Variants in MIA2 observed in about 807,000 individuals in gnomAD.
MIA2 encodes the protein MIA SH3 domain ER export factor 2.
A neutral mutation model predicts 167.8 loss-of-function variants in MIA2; 127 were observed. The ratio of observed to expected loss-of-function variants is 0.76; its 90% CI spans 0.66 to 0.88. The LOEUF is 0.88. MIA2 is among the 40% of genes least tolerant of loss of function. The probability of loss-of-function intolerance (pLI) is 0.00; values close to 1 mark genes in which losing one functional copy is unlikely to be tolerated. For missense variants in MIA2, 1,690 were observed against 1,624.7 expected, an observed-to-expected ratio of 1.04 and a Z score of -0.69; for synonymous variants, 552 against 541.9, an observed-to-expected ratio of 1.02 and a Z score of -0.26.
At chr14:39,364,896 TTAAACAGTTTGACTA>T (rs1175519863) in intron 23 of MIA2, among the ~76,000 whole-genome samples, 2 of 152,234 alleles carry the variant, frequency 1.3e-5, no homozygotes, top group Non-Finnish European at 1.5e-5. Flanking sequence ...GTTTTTGACT[TTAAACAGTTTGACTA>T]TAATGTGCTG....
At chr14:39,253,323 T>C (rs2054660632) in intron 6 of MIA2, 152 bp downstream of exon 6, 2 of 1,019,532 alleles carry the variant, frequency 2.0e-6, no homozygotes, top group Non-Finnish European at 2.9e-6. Context: ...TTTCTCTTTA[T>C]ATGAATGTTT....
chr14:39,260,462 G>T (rs147125530), intron 6 of MIA2, among the ~76,000 whole-genome samples: 1 of 152,146 alleles, frequency 6.6e-6, no homozygotes, highest in Non-Finnish European at 1.5e-5. Flanking sequence ...GGCCAGTGAC[G>T]ATGAGCATTT....
At chr14:39,382,634 T>C (rs2075188708) in intron 23 of MIA2, among the ~76,000 whole-genome samples, 1 of 152,216 alleles carries the variant, frequency 6.6e-6, no homozygotes, top group Non-Finnish European at 1.5e-5. Flanking sequence ...TCAGTAATTC[T>C]GCGCTGTACA....
chr14:39,356,944 C>T (rs2074543945), intron 23 of MIA2, among the ~76,000 whole-genome samples: 1 of 152,164 alleles, frequency 6.6e-6, no homozygotes, highest in Admixed American at 6.5e-5. Flanking sequence ...TGTTCTTTTA[C>T]ATTTGCTGAG....
In MIA2 at chr14:39,251,151, C is replaced by G. The variant is rs1428823181; in HGVS notation, c.1568-1597C>G. Among the ~76,000 whole-genome samples, 4 of 152,106 alleles carry G rather than the reference C, an allele frequency of 2.6e-5. No individual in the cohort carries two copies. The South Asian group carries it at 8.3e-4, about 31-fold the overall frequency. On this transcript the variant is annotated intron_variant, in intron 4 of 28. Transcript: ENST00000640607. ...TGCATAAGCAAGATGAATCACTGAT[C>G]TTGAATCTCTGTGAAAGGCTCAGAC...
chr14:39,348,946 T>C lies in MIA2; in HGVS notation c.4041T>C (p.Asp1347=), dbSNP rs763176300. 1 of 1,613,996 alleles carries C rather than the reference T, an allele frequency of 6.2e-7. No homozygotes were observed. The highest frequency in any genetic ancestry group is 8.5e-7 in the Non-Finnish European group (1 of 1,179,866). The change falls in exon 28 of 29, where the codon GAT becomes GAC. Residue 1347 remains aspartate (D), a synonymous_variant. Transcript: ENST00000640607. ...CTCGAGATTATTTTCCACCAGGGGATTTCCCAGGTCCACCACCTGCTCCAT... is the reference window on the plus strand; with the variant it reads ...CTCGAGATTATTTTCCACCAGGGGACTTCCCAGGTCCACCACCTGCTCCAT... The part of the protein sequence containing the change: ...GASRDYFPPG[D]FPGPPPAPFA...
chr14:39,357,413 T>TC, intron 23 of MIA2, among the ~76,000 whole-genome samples: 1 of 152,320 alleles, frequency 6.6e-6, no homozygotes, highest in Admixed American at 6.5e-5. Flanking sequence ...TGGTATATCT[T>TC]CCTCCATCCC....
chr14:39,348,448 T>G (rs1387491319), intron 27 of MIA2, among the ~76,000 whole-genome samples: 1 of 152,222 alleles, frequency 6.6e-6, no homozygotes, highest in Non-Finnish European at 1.5e-5. Context: ...CAGTATATAT[T>G]TGATACAATA....
Position 39,265,320 on chromosome 14 carries a change from C to G in MIA2, c.1888-11614C>G, listed in dbSNP as rs1453767100. 7.8e-6 allele frequency: 9 copies of G among 1,146,932 alleles called. No individual in the cohort carries two copies. The East Asian group carries it at 2.1e-4, about 27-fold the overall frequency. 71.0% of individuals were successfully genotyped at this position (1,146,932 alleles called of 1,614,324 possible). ...TGCAGGATATATTAGAATCTGAAAT[C>G]TTTCTCAAGGATATGAGGTGCCTGG... On this transcript the variant is annotated intron_variant, in intron 6 of 28. Coordinates refer to ENST00000640607, the MANE Select transcript of MIA2 (RefSeq NM_001329214.4).
chr14:39,269,816 T>C (rs951368223), intron 6 of MIA2, among the ~76,000 whole-genome samples: 1 of 152,194 alleles, frequency 6.6e-6, no homozygotes, highest in East Asian at 1.9e-4. Context: ...CCACTTCGCC[T>C]GGCCCTTCAT....
chr14:39,261,261 T>C (rs1294225869), intron 6 of MIA2, among the ~76,000 whole-genome samples: 10 of 152,160 alleles, frequency 6.6e-5, no homozygotes, highest in Admixed American at 5.9e-4. Context: ...GTTCTTGCGA[T>C]AGTTTGCTCA....
At chr14:39,288,469 A>ATT (rs1289953072) in intron 9 of MIA2, among the ~76,000 whole-genome samples, 2 of 52,708 alleles carry the variant, frequency 3.8e-5, no homozygotes, top group African/African-American at 2.0e-4. Context: ...ATATATATAT[A>ATT]TATATATTTT....
At chr14:39,336,591 C>G (rs1006797710) in intron 25 of MIA2, among the ~76,000 whole-genome samples, 1 of 152,192 alleles carries the variant, frequency 6.6e-6, no homozygotes, top group Non-Finnish European at 1.5e-5. Flanking sequence ...GAACAGTCTA[C>G]AATGTATCTG....
At chr14:39,239,571 CA>C (rs1470977404) in intron 2 of MIA2, among the ~76,000 whole-genome samples, 3 of 152,020 alleles carry the variant, frequency 2.0e-5, no homozygotes, top group Non-Finnish European at 4.4e-5. Context: ...AAAACAAAAA[CA>C]AAAACAAAAA....
At chr14:39,279,984 C>G (rs919402397) in intron 9 of MIA2, among the ~76,000 whole-genome samples, 1 of 152,190 alleles carries the variant, frequency 6.6e-6, no homozygotes, top group Admixed American at 6.5e-5. Flanking sequence ...TGTGGGGACA[C>G]AATTCAGTCC....
intron 9 of MIA2, among the ~76,000 whole-genome samples, chr14:39,288,468 TATA>T (rs2060213115): frequency 2.3e-4 from 10 of 44,170 alleles, no homozygotes; most frequent in African/African-American, 1.0e-3. Flanking sequence ...TATATATATA[TATA>T]TATATTTTTT....
chr14:39,279,619 A>G, intron 9 of MIA2, 82 bp downstream of exon 9: 1 of 870,476 alleles, frequency 1.1e-6, no homozygotes, highest in Non-Finnish European at 1.8e-6. Flanking sequence ...GTGTAAATTT[A>G]AGATTATGAA....
chr14:39,251,891 T>A (rs1208398866), intron 4 of MIA2, among the ~76,000 whole-genome samples: 1 of 152,194 alleles, frequency 6.6e-6, no homozygotes, highest in Non-Finnish European at 1.5e-5. Flanking sequence ...ATACTTTTTT[T>A]AAGATATTAC....
At chr14:39,357,838 C>T (rs952970678) in intron 23 of MIA2, among the ~76,000 whole-genome samples, 6 of 151,460 alleles carry the variant, frequency 4.0e-5, no homozygotes, top group African/African-American at 1.2e-4. Flanking sequence ...CTATGAAATT[C>T]TGGGTTGAAA....
Sources: allele counts gnomAD v4.1 joint callset (sites outside exome capture counted in the v4.1 genomes callset), GRCh38; gene constraint gnomAD v4.1.1; transcripts MANE v1.5; gene names NCBI Gene and HGNC (gene_info 2026-07-23, HGNC 2026-07-21).